The following UBE2G1 variants were observed in gnomAD, a reference collection of about 807,000 sequenced individuals.
UBE2G1 encodes the protein ubiquitin-conjugating enzyme E2 G1.
Under a neutral mutation model 22.7 loss-of-function variants are expected in UBE2G1, and 5 were observed. The ratio of observed to expected loss-of-function variants is 0.22; its 90% CI spans 0.12 to 0.46. The LOEUF is 0.46. Among genes scored for constraint, UBE2G1 ranks in the 20% least tolerant of loss-of-function variants. UBE2G1 has a pLI of 0.99. For synonymous variants in UBE2G1, 74 were observed against 67.5 expected, an observed-to-expected ratio of 1.10 and a Z score of -0.47; for missense variants, 88 against 203.9, an observed-to-expected ratio of 0.43 and a Z score of 3.46.
intron 3 of UBE2G1, among the ~76,000 whole-genome samples, chr17:4,295,168 G>A (rs1433599840): frequency 6.6e-6 from 1 of 152,176 alleles, no homozygotes; most frequent in Non-Finnish European, 1.5e-5. Context: ...GAAGGTAGAA[G>A]AAACTGTCGA....
At chr17:4,353,462 TACACACACACAC>T (rs150917099) in intron 1 of UBE2G1, among the ~76,000 whole-genome samples, 1 of 148,122 alleles carries the variant, frequency 6.8e-6, no homozygotes, top group Non-Finnish European at 1.5e-5. Context: ...TATATATATA[TACACACACACAC>T]ACACACACAC....
Position 4,281,942 on chromosome 17 carries a change from G to A in UBE2G1, c.*37+856C>T, listed in dbSNP as rs945998368. 7.2e-5 allele frequency among the ~76,000 whole-genome samples: 11 copies of A among 151,818 alleles called. No individual in the cohort carries two copies. The South Asian group carries it at 1.9e-3, about 26-fold the overall frequency. ...TCTATATTATTTCCTCTTCTAAGGTGGATGGGTGCCTTCCATCTTTGACTC... is the reference window on the plus strand; with the variant it reads ...TCTATATTATTTCCTCTTCTAAGGTAGATGGGTGCCTTCCATCTTTGACTC... On this transcript the variant is annotated intron_variant, in intron 5 of 5. Transcript: ENST00000396981.
intron 1 of UBE2G1, among the ~76,000 whole-genome samples, chr17:4,356,605 T>C (rs1022114626): frequency 6.6e-6 from 1 of 151,636 alleles, no homozygotes; most frequent in African/African-American, 2.4e-5. Context: ...TGGTGGCTCA[T>C]GCCTGTAATC....
rs540665008 is a variant in UBE2G1, at chr17:4,300,982, T to C, written c.150-4168A>G. 7.2e-5 allele frequency among the ~76,000 whole-genome samples: 11 copies of C among 152,188 alleles called. No individual in the cohort carries two copies. In the South Asian group the frequency reaches 2.3e-3, roughly 32 times the overall value. On this transcript the variant is annotated intron_variant, in intron 2 of 5. Transcript: ENST00000396981. ...AGATATGTAACCAGCAGTTTCACATTTGAAAGTGTTTAAAAACCCAGGCCT... is the reference window on the plus strand; with the variant it reads ...AGATATGTAACCAGCAGTTTCACATCTGAAAGTGTTTAAAAACCCAGGCCT...
At position 4,366,303 on chromosome 17, in the gene UBE2G1, T is replaced by G; in HGVS notation, c.14A>C (p.Gln5Pro). 6.4e-7 allele frequency: 1 copy of G among 1,552,262 alleles called. No individual in the cohort carries two copies. Among genetic ancestry groups the G allele is most frequent in the African/African-American group, 1.4e-5 (1 of 70,476 alleles). Residue 5 changes from glutamine to proline, a missense_variant, in exon 1 of 6, where the codon CAG becomes CCG. By Grantham distance (76) the Gln-to-Pro change is moderately conservative (BLOSUM62 -1). Around this residue, in one of 2 missense-constraint regions of UBE2G1, gnomAD observed 50 missense variants for 71.0 expected, o/e 0.70. Coordinates refer to ENST00000396981, the MANE Select transcript of UBE2G1 (RefSeq NM_003342.5). ...CTGTCTTCGCAGTAGCAGTGCCGAC[T>G]GCAGCTCCGTCATCCTCCCTGCCGA... The part of the protein sequence containing the change: MTEL[Q>P]SALLLRRQLA...
At chr17:4,295,329 A>G (rs934572537) in intron 3 of UBE2G1, among the ~76,000 whole-genome samples, 5 of 152,212 alleles carry the variant, frequency 3.3e-5, no homozygotes, top group African/African-American at 1.2e-4. Flanking sequence ...AAAAATCACT[A>G]TCTTTTACGA....
At chr17:4,362,761 A>T (rs913499095) in intron 1 of UBE2G1, among the ~76,000 whole-genome samples, 1 of 151,838 alleles carries the variant, frequency 6.6e-6, no homozygotes, top group African/African-American at 2.4e-5. Context: ...TGGGGGCCGC[A>T]GGGGGCAGCA....
intron 1 of UBE2G1, among the ~76,000 whole-genome samples, chr17:4,348,534 C>T: frequency 7.5e-6 from 1 of 132,880 alleles, no homozygotes; most frequent in Non-Finnish European, 1.5e-5. Flanking sequence ...GCCTGGGCGA[C>T]AGAGCGAGAC....
chr17:4,345,887 A>G (rs1339760046), intron 1 of UBE2G1: 1 of 152,194 alleles, frequency 6.6e-6, no homozygotes, highest in African/African-American at 2.4e-5. Context: ...ACTCTTATTT[A>G]AGAAAACAAC....
intron 1 of UBE2G1, among the ~76,000 whole-genome samples, chr17:4,307,697 G>A (rs2143733278): frequency 6.6e-6 from 1 of 152,304 alleles, no homozygotes; most frequent in East Asian, 1.9e-4. Flanking sequence ...TGTCTTGTCT[G>A]TATATGTCGA....
intron 1 of UBE2G1, among the ~76,000 whole-genome samples, chr17:4,321,675 T>C (rs908645389): frequency 6.6e-6 from 1 of 152,062 alleles, no homozygotes; most frequent in Non-Finnish European, 1.5e-5. Flanking sequence ...GTATTTTTGG[T>C]AGAGACAAGG....
chr17:4,301,838 G>T, intron 2 of UBE2G1: 1 of 517,930 alleles, frequency 1.9e-6, no homozygotes. Context: ...GGCTAGAATT[G>T]GAAGTACGGT....
intron 3 of UBE2G1, among the ~76,000 whole-genome samples, 180 bp from the exon 4 acceptor site, chr17:4,289,588 T>A (rs117427094): frequency 0.01 from 1,585 of 152,354 alleles, 14 homozygotes; most frequent in Non-Finnish European, 0.012. Context: ...TAGATTGTAC[T>A]ACATACACAG....
chr17:4,351,129 G>A (rs1281630810), intron 1 of UBE2G1, among the ~76,000 whole-genome samples: 1 of 151,790 alleles, frequency 6.6e-6, no homozygotes, highest in Non-Finnish European at 1.5e-5. Flanking sequence ...TGCCCAGGAG[G>A]CAGAGGTTGC....
Position 4,271,901 on chromosome 17 carries a change from T to C in UBE2G1, c.*653A>G, listed in dbSNP as rs1263085809. 6.6e-6 allele frequency: 1 copy of C among 152,626 alleles called. No individual in the cohort carries two copies. Among genetic ancestry groups the C allele is most frequent in the Admixed American group, 6.5e-5 (1 of 15,280 alleles). The allele number at this position is 152,626 out of a possible 1,614,324, so 9.5% of individuals were successfully genotyped here. On this transcript the variant is annotated 3_prime_UTR_variant, in exon 6 of 6. Coordinates refer to ENST00000396981, the MANE Select transcript of UBE2G1 (RefSeq NM_003342.5). ...GCACCTAGTGATGACTCCTTCGAAG[T>C]CATCATTAAAAATCAAGTAATTGCT...
At chr17:4,357,789 ACT>A (rs1969924521) in intron 1 of UBE2G1, among the ~76,000 whole-genome samples, 1 of 151,666 alleles carries the variant, frequency 6.6e-6, no homozygotes, top group Non-Finnish European at 1.5e-5. Context: ...CAAGAGCGGA[ACT>A]CTGTCTCAAA....
At chr17:4,349,534 G>A (rs1969819054) in intron 1 of UBE2G1, among the ~76,000 whole-genome samples, 1 of 151,814 alleles carries the variant, frequency 6.6e-6, no homozygotes, top group African/African-American at 2.4e-5. Context: ...ACGTCACATA[G>A]TTGTCTAAAA....
At chr17:4,354,305 A>G (rs1969879445) in intron 1 of UBE2G1, among the ~76,000 whole-genome samples, 1 of 152,158 alleles carries the variant, frequency 6.6e-6, no homozygotes, top group African/African-American at 2.4e-5. Context: ...TCTACAGACT[A>G]CAAGTTCCTG....
chr17:4,313,063 A>G (rs1244090895), intron 1 of UBE2G1, among the ~76,000 whole-genome samples: 1 of 152,232 alleles, frequency 6.6e-6, no homozygotes, highest in Non-Finnish European at 1.5e-5. Flanking sequence ...AAGATGTTAA[A>G]ACATCCTATC....
Sources: gnomAD v4.1 joint callset for allele counts (sites outside exome capture counted in the v4.1 genomes callset) on GRCh38, gnomAD v4.1.1 for gene constraint, gnomAD v4.1.1 regional missense constraint, MANE v1.5 for transcripts, NCBI Gene and HGNC (gene_info 2026-07-23, HGNC 2026-07-21) for gene names.